Variants in PPFIA2 observed in about 807,000 individuals in gnomAD.
The protein encoded by PPFIA2 is liprin-alpha-2.
PPFIA2 carries 46 observed loss-of-function variants against 175.5 expected under a neutral mutation model. The observed-to-expected ratio is 0.26, with a 90% CI of 0.21 to 0.34. The LOEUF is 0.34. Ranked by LOEUF, PPFIA2 falls within the 10% of genes least tolerant of loss-of-function variation. PPFIA2 has a pLI of 1.00. For missense variants in PPFIA2, 1,179 were observed against 1,506.1 expected, an observed-to-expected ratio of 0.78 and a Z score of 3.60; for synonymous variants, 568 against 511.4, an observed-to-expected ratio of 1.11 and a Z score of -1.49.
At chr12:81,729,717 C>A (rs1238567917) in intron 3 of PPFIA2, among the ~76,000 whole-genome samples, 2 of 151,474 alleles carry the variant, frequency 1.3e-5, no homozygotes. Flanking sequence ...AACATTTCTC[C>A]AGCTGGAGTC....
chr12:81,521,406 C>T (rs1000520368), intron 4 of PPFIA2, among the ~76,000 whole-genome samples: 2 of 152,046 alleles, frequency 1.3e-5, no homozygotes, highest in Non-Finnish European at 2.9e-5. Flanking sequence ...TCTTTGGAAA[C>T]GATTCATCTG....
chr12:81,387,912 C>A (rs752400557), intron 8 of PPFIA2, among the ~76,000 whole-genome samples: 26 of 152,192 alleles, frequency 1.7e-4, no homozygotes, highest in Non-Finnish European at 3.4e-4. Flanking sequence ...GAGAAATGTT[C>A]AGCTCTGATC....
chr12:81,368,170 T>C (rs1465121817), intron 13 of PPFIA2: 77 of 1,286,636 alleles, frequency 6.0e-5, no homozygotes, highest in Non-Finnish European at 7.1e-5. Context: ...CTGCCAACTA[T>C]CAATGAGACA....
chr12:81,757,310 C>G (rs1267564934), intron 2 of PPFIA2, among the ~76,000 whole-genome samples: 1 of 152,146 alleles, frequency 6.6e-6, no homozygotes, highest in Non-Finnish European at 1.5e-5. Context: ...AGTATCAATA[C>G]TAAAAACTGC....
chr12:81,328,894 G>A (rs1158863959), intron 21 of PPFIA2, among the ~76,000 whole-genome samples: 2 of 148,178 alleles, frequency 1.3e-5, no homozygotes, highest in African/African-American at 2.5e-5. Flanking sequence ...GCTCACTGCA[G>A]CCTCAAACTC....
chr12:81,537,625 T>C (rs978789757), intron 4 of PPFIA2, among the ~76,000 whole-genome samples: 2 of 151,860 alleles, frequency 1.3e-5, no homozygotes, highest in Non-Finnish European at 2.9e-5. Context: ...TTAGATGTTC[T>C]CTACAGACCA....
chr12:81,347,051 T>C (rs1240981253), intron 18 of PPFIA2, among the ~76,000 whole-genome samples: 1 of 152,138 alleles, frequency 6.6e-6, no homozygotes, highest in Non-Finnish European at 1.5e-5. Flanking sequence ...TGCCTCAGTA[T>C]CCTAAGTAGC....
At chr12:81,554,226 G>A (rs749173031) in intron 4 of PPFIA2, among the ~76,000 whole-genome samples, 2 of 152,014 alleles carry the variant, frequency 1.3e-5, no homozygotes, top group Non-Finnish European at 2.9e-5. Flanking sequence ...GATAAAATTT[G>A]TAGGACTTGA....
At chr12:81,678,110 T>C (rs557982149) in intron 3 of PPFIA2, among the ~76,000 whole-genome samples, 1 of 152,026 alleles carries the variant, frequency 6.6e-6, no homozygotes, top group African/African-American at 2.4e-5. Flanking sequence ...CTAAAAATGT[T>C]CTTTCTTATG....
intron 8 of PPFIA2, among the ~76,000 whole-genome samples, chr12:81,387,267 T>C (rs1035980943): frequency 6.6e-6 from 1 of 152,196 alleles, no homozygotes. Flanking sequence ...TTTATTTTAA[T>C]GTGACACTGA....
chr12:81,354,810 A>G (rs2060624581), intron 16 of PPFIA2, among the ~76,000 whole-genome samples: 1 of 151,844 alleles, frequency 6.6e-6, no homozygotes, highest in Non-Finnish European at 1.5e-5. Context: ...CACCCAGCTA[A>G]TTTTTGTACT....
chr12:81,528,594 C>T (rs1265533124), intron 4 of PPFIA2, among the ~76,000 whole-genome samples: 1 of 151,992 alleles, frequency 6.6e-6, no homozygotes, highest in African/African-American at 2.4e-5. Context: ...TTGTCTATGA[C>T]CACAAAATAT....
chr12:81,601,485 A>T (rs1482596165), intron 4 of PPFIA2, among the ~76,000 whole-genome samples: 1 of 151,946 alleles, frequency 6.6e-6, no homozygotes, highest in African/African-American at 2.4e-5. Flanking sequence ...TGAGAGTTGG[A>T]GTTGCTGGAG....
intron 3 of PPFIA2, among the ~76,000 whole-genome samples, chr12:81,683,723 T>G (rs2074031220): frequency 6.6e-6 from 1 of 152,054 alleles, no homozygotes; most frequent in Admixed American, 6.6e-5. Flanking sequence ...TATTTCTAGA[T>G]GTCCTCATCC....
intron 8 of PPFIA2, among the ~76,000 whole-genome samples, chr12:81,397,485 C>T (rs570785855): frequency 6.6e-6 from 1 of 152,114 alleles, no homozygotes; most frequent in South Asian, 2.1e-4. Flanking sequence ...ACTGCTGAGA[C>T]ATCAACTATA....
intron 30 of PPFIA2, among the ~76,000 whole-genome samples, chr12:81,264,031 C>T (rs1173949019): frequency 6.6e-6 from 1 of 152,060 alleles, no homozygotes; most frequent in African/African-American, 2.4e-5. Flanking sequence ...TTGGGTACCA[C>T]CGAAAGCATA....
intron 7 of PPFIA2, among the ~76,000 whole-genome samples, chr12:81,418,102 A>G (rs924505640): frequency 6.6e-6 from 1 of 151,892 alleles, no homozygotes; most frequent in Non-Finnish European, 1.5e-5. Context: ...GGTTCAGCCA[A>G]TTAAGGTAAA....
At chr12:81,302,496 T>C (rs186814195) in intron 22 of PPFIA2, among the ~76,000 whole-genome samples, 107 of 152,338 alleles carry the variant, frequency 7.0e-4, no homozygotes, top group African/African-American at 2.5e-3. Context: ...AATAACAGGA[T>C]GACTTTAGTA....
At chr12:81,390,389 T>C (rs868081990) in intron 8 of PPFIA2, among the ~76,000 whole-genome samples, 1 of 152,078 alleles carries the variant, frequency 6.6e-6, no homozygotes, top group African/African-American at 2.4e-5. Context: ...TGTACATTCC[T>C]ACCAGCAATG....
Sources: gnomAD v4.1 joint callset for allele counts (sites outside exome capture counted in the v4.1 genomes callset) on GRCh38, gnomAD v4.1.1 for gene constraint, MANE v1.5 for transcripts, NCBI Gene and HGNC (gene_info 2026-07-23, HGNC 2026-07-21) for gene names.